Variants in NBPF3 observed in about 807,000 individuals in gnomAD.
The protein encoded by NBPF3 is NBPF family member NBPF3.
A neutral mutation model predicts 78.1 loss-of-function variants in NBPF3; 57 were observed. That is an observed-to-expected ratio of 0.73 (90% CI 0.59 to 0.91). The LOEUF (loss-of-function observed/expected upper bound fraction) is 0.91. Among genes scored for constraint, NBPF3 ranks in the 40% least tolerant of loss-of-function variants. NBPF3 has a pLI of 0.00. For missense variants in NBPF3, 510 were observed against 715.3 expected, an observed-to-expected ratio of 0.71 and a Z score of 3.27; for synonymous variants, 182 against 271.7, an observed-to-expected ratio of 0.67 and a Z score of 3.25.
chr1:21,481,664 T>C lies in NBPF3; in HGVS notation c.1501T>C (p.Ser501Pro). ...DLQDSLDRWY[S>P]TPFSYPELPD... ...GCAGGACTCACTGGATAGATGGTAT[T>C]CGACTCCTTTCAGTTATCCAGAACT... Residue 501 changes from serine to proline, a missense_variant, in exon 13 of 15, where the codon TCG (serine) becomes CCG (proline). By Grantham distance (74) the Ser-to-Pro change is moderately conservative. This residue lies in a region of NBPF3 where 5 missense variants were observed against 84.7 expected (regional missense o/e 0.06). Transcript: ENST00000318249. 1.2e-6 allele frequency: 2 copies of C among 1,609,882 alleles called. No homozygotes were observed. Among genetic ancestry groups the C allele is most frequent in the Non-Finnish European group, 1.7e-6 (2 of 1,178,862 alleles).
Position 21,476,391 on chromosome 1 carries a change from G to A in NBPF3, c.992+1440G>A, listed in dbSNP as rs377201446. On this transcript the variant is annotated intron_variant, in intron 8 of 14. Transcript: ENST00000318249. This position sits in a 1 kb window ranked among gnomAD's most constrained non-coding sequence, Gnocchi z 4.1. ...ATTGATGGTCTTTACAATTTGGCAC[G>A]TTTTTGCAGTGGCTGGCTGGTACTG... Among the ~76,000 whole-genome samples, 5 of 152,152 alleles carry A rather than the reference G, an allele frequency of 3.3e-5. No homozygotes were observed. The highest frequency in any genetic ancestry group is 2.0e-4 in the Admixed American group (3 of 15,280).
intron 2 of NBPF3, among the ~76,000 whole-genome samples, chr1:21,464,525 T>G (rs1049428112): frequency 2.0e-5 from 3 of 151,974 alleles, no homozygotes; most frequent in African/African-American, 7.3e-5. Context: ...ATTCTGGAAT[T>G]AGGTAGTGGC....
At chr1:21,451,925 CAGAG>C in intron 2 of NBPF3, 1 of 905,906 alleles carries the variant, frequency 1.1e-6, no homozygotes, top group African/African-American at 1.8e-5. Context: ...TACTCAAACA[CAGAG>C]AGCTTTTTTG....
chr1:21,474,313 C>G (rs1215487855), intron 7 of NBPF3, among the ~76,000 whole-genome samples: 1 of 151,518 alleles, frequency 6.6e-6, no homozygotes, highest in African/African-American at 2.4e-5. Context: ...AAGTGATTCT[C>G]CTGCCTCAGC....
At position 21,478,194 on chromosome 1, in the gene NBPF3, A is replaced by C. The variant is rs897901381; in HGVS notation, c.1043A>C (p.Glu348Ala). 9.9e-6 allele frequency: 16 copies of C among 1,614,054 alleles called. No individual in the cohort carries two copies. The African/African-American group carries it at 2.0e-4, about 20-fold the overall frequency. The change falls in exon 9 of 15, where the codon GAA (glutamate) becomes GCA (alanine). Residue 348 changes from glutamate to alanine, a missense_variant. This residue lies in a region of NBPF3 where 440 missense variants were observed against 478.2 expected (regional missense o/e 0.92). Coordinates refer to ENST00000318249, the MANE Select transcript of NBPF3 (RefSeq NM_032264.6). ...EEEAPQESWD[E>A]GDWTLSIPPD... ...GAAGCCCCCCAGGAGTCCTGGGATG[A>C]AGGTGATTGGACTCTCTCAATTCCT...
Position 21,445,148 on chromosome 1 carries a change from C to T in NBPF3, c.62C>T (p.Thr21Ile), listed in dbSNP as rs937016810. The T allele has an allele frequency of 3.7e-6, 6 of 1,611,840 alleles. No individual in the cohort carries two copies. The highest frequency in any genetic ancestry group is 2.2e-4 in the Middle Eastern group (1 of 4,452). The change falls in exon 2 of 15, where the codon ACT becomes ATT. Residue 21 changes from threonine to isoleucine, a missense_variant. Thr to Ile is a moderately conservative substitution (Grantham distance 89, BLOSUM62 -1). Coordinates refer to ENST00000318249, the MANE Select transcript of NBPF3 (RefSeq NM_032264.6). The stretch of plus-strand genomic sequence containing the variant: ...ACTCTCCGAGGCCCTGATGTAGAAA[C>T]TTCCCCATTCGGTGCACCAAGAGCA... ...QWTLRGPDVETSPFGAPRAAS... is the reference protein window; with the variant it reads ...QWTLRGPDVEISPFGAPRAAS...
intron 5 of NBPF3, 146 bp downstream of exon 5, chr1:21,471,929 T>G: frequency 8.6e-7 from 1 of 1,164,466 alleles, no homozygotes; most frequent in Non-Finnish European, 1.3e-6. Flanking sequence ...TAACCAGGAC[T>G]TCCTGGGTAA....
chr1:21,436,916 T>C, upstream of NBPF3: 1 of 372,438 alleles, frequency 2.7e-6, no homozygotes, highest in Non-Finnish European at 4.7e-6. The surrounding 1 kb of genome is among the most constrained non-coding windows in gnomAD (Gnocchi z 4.3). Context: ...GGCGGAGGAG[T>C]CTGAGCGCCC....
At chr1:21,471,909 A>G (rs1642621075) in intron 5 of NBPF3, 126 bp downstream of exon 5, 3 of 1,292,480 alleles carry the variant, frequency 2.3e-6, no homozygotes, top group East Asian at 2.4e-5. Context: ...TGGCCGTGAC[A>G]TAAGTGACAT....
intron 2 of NBPF3, among the ~76,000 whole-genome samples, chr1:21,450,137 T>G (rs566976614): frequency 5.3e-4 from 75 of 142,696 alleles, no homozygotes; most frequent in Non-Finnish European, 8.9e-4. Context: ...GAGGCTAAAA[T>G]TCAGAAATGG....
chr1:21,442,789 G>GTAGC (rs745443490), intron 1 of NBPF3, among the ~76,000 whole-genome samples: 8 of 151,986 alleles, frequency 5.3e-5, no homozygotes, highest in South Asian at 2.1e-4. Context: ...AGCCTCCTGA[G>GTAGC]TAGCTGCGAC....
Position 21,460,552 on chromosome 1 carries a change from G to A in NBPF3, c.134-8136G>A, listed in dbSNP as rs1309052824. 6.6e-6 allele frequency among the ~76,000 whole-genome samples: 1 copy of A among 152,162 alleles called. No homozygotes were observed. The highest frequency in any genetic ancestry group is 1.5e-5 in the Non-Finnish European group (1 of 68,026). ...GAAATGGAAGACTTTTAAGTAAAAG[G>A]ATTTTGAGTGAAATAATATTTGTGG... On this transcript the variant is annotated intron_variant, in intron 2 of 14. Coordinates refer to ENST00000318249, the MANE Select transcript of NBPF3 (RefSeq NM_032264.6). The surrounding 1 kb of genome is among the most constrained non-coding windows in gnomAD (Gnocchi z 4.2).
chr1:21,470,644 G>T lies in NBPF3; in HGVS notation c.356G>T (p.Cys119Phe). ...TGTCTTTTCTCAGACTATGAAGACT[G>T]CAAAGACCTCATAAAATCTATGCTG... ...NRQNNYDYED[C>F]KDLIKSMLRD... The change falls in exon 4 of 15, where the codon TGC (cysteine) becomes TTC (phenylalanine). Residue 119 changes from cysteine (C) to phenylalanine (F), a missense_variant. By Grantham distance (205) the Cys-to-Phe change is radical (BLOSUM62 -2). This residue lies in a region of NBPF3 where 440 missense variants were observed against 478.2 expected (regional missense o/e 0.92). Transcript: ENST00000318249. 6.3e-7 allele frequency: 1 copy of T among 1,595,314 alleles called. No homozygotes were observed. The highest frequency in any genetic ancestry group is 8.6e-7 in the Non-Finnish European group (1 of 1,167,666).
chr1:21,464,727 G>T (rs1185577681), intron 2 of NBPF3, among the ~76,000 whole-genome samples: 2 of 151,650 alleles, frequency 1.3e-5, no homozygotes, highest in Non-Finnish European at 2.9e-5. Context: ...GCATTTCAGG[G>T]CCAGGTTCAG....
upstream of NBPF3, among the ~76,000 whole-genome samples, chr1:21,439,008 C>T (rs996679658): frequency 5.9e-5 from 9 of 152,156 alleles, no homozygotes; most frequent in African/African-American, 2.2e-4. Context: ...CATGGTGTCG[C>T]CCACCTTGGT....
chr1:21,461,900 G>A (rs1261101704), intron 2 of NBPF3, among the ~76,000 whole-genome samples: 1 of 152,168 alleles, frequency 6.6e-6, no homozygotes, highest in Non-Finnish European at 1.5e-5. Flanking sequence ...AATGGGAGGT[G>A]TTTGGGTCAT....
At chr1:21,462,466 CAGAG>C (rs1283070654) in intron 2 of NBPF3, among the ~76,000 whole-genome samples, 1 of 151,942 alleles carries the variant, frequency 6.6e-6, no homozygotes, top group African/African-American at 2.4e-5. Context: ...TAGCATACAA[CAGAG>C]AGATAACAAA....
At chr1:21,441,580 G>A (rs1364886216) in intron 1 of NBPF3, among the ~76,000 whole-genome samples, 1 of 151,880 alleles carries the variant, frequency 6.6e-6, no homozygotes, top group South Asian at 2.1e-4. Flanking sequence ...GGTGGTGTGT[G>A]CCTGTAGTCC....
upstream of NBPF3, among the ~76,000 whole-genome samples, chr1:21,437,013 G>T (rs1640439258): frequency 6.6e-6 from 1 of 152,196 alleles, no homozygotes; most frequent in Non-Finnish European, 1.5e-5. Context: ...GTGAAGCCGA[G>T]CCCAGAAGTG....
Sources: allele counts gnomAD v4.1 joint callset (sites outside exome capture counted in the v4.1 genomes callset), GRCh38; gene constraint gnomAD v4.1.1; regional missense constraint gnomAD v4.1.1; non-coding constraint Gnocchi (gnomAD v3.1); transcripts MANE v1.5; gene names NCBI Gene and HGNC (gene_info 2026-07-23, HGNC 2026-07-21).